The following PCDH15 variants were observed in gnomAD, a reference collection of about 807,000 sequenced individuals.
PCDH15 encodes protocadherin related 15, also known as protocadherin-15.
A neutral mutation model predicts 178.5 loss-of-function variants in PCDH15; 129 were observed. The observed-to-expected ratio is 0.72, with a 90% confidence interval of 0.63 to 0.84. The LOEUF (loss-of-function observed/expected upper bound fraction) is 0.84. PCDH15 is among the 40% of genes least tolerant of loss of function. The probability of loss-of-function intolerance (pLI) is 0.00; values close to 1 mark genes in which losing one functional copy is unlikely to be tolerated. For synonymous variants in PCDH15, 800 were observed against 732.0 expected, an observed-to-expected ratio of 1.09 and a Z score of -1.50; for missense variants, 2,230 against 2,099.9, an observed-to-expected ratio of 1.06 and a Z score of -1.21.
intron 2 of PCDH15, among the ~76,000 whole-genome samples, chr10:55,399,016 T>C (rs1451651053): frequency 6.6e-6 from 1 of 152,176 alleles, no homozygotes; most frequent in Non-Finnish European, 1.5e-5. Flanking sequence ...GAACAAGTTA[T>C]CTATATGGCG....
At chr10:53,965,790 A>G (rs1042334434) in intron 21 of PCDH15, among the ~76,000 whole-genome samples, 7 of 152,210 alleles carry the variant, frequency 4.6e-5, no homozygotes, top group African/African-American at 1.4e-4. Context: ...GACTAAAATT[A>G]CTTATGACAA....
chr10:54,438,947 A>T (rs933832851), intron 3 of PCDH15, among the ~76,000 whole-genome samples: 10 of 152,248 alleles, frequency 6.6e-5, no homozygotes, highest in African/African-American at 2.4e-4. Context: ...CAGGTAATTG[A>T]GGTCAATGAA....
At chr10:54,322,406 T>G (rs892139120) in intron 7 of PCDH15, among the ~76,000 whole-genome samples, 1 of 151,904 alleles carries the variant, frequency 6.6e-6, no homozygotes, top group Non-Finnish European at 1.5e-5. Context: ...TAACAGGATA[T>G]TACATTAAGT....
chr10:54,494,585 A>G (rs932438956), intron 3 of PCDH15, among the ~76,000 whole-genome samples: 4 of 152,118 alleles, frequency 2.6e-5, no homozygotes, highest in Admixed American at 1.3e-4. Context: ...TCTCTGCTCT[A>G]TGATGCAGCC....
chr10:55,112,217 C>T (rs1837526328), intron 2 of PCDH15, among the ~76,000 whole-genome samples: 1 of 152,024 alleles, frequency 6.6e-6, no homozygotes, highest in African/African-American at 2.4e-5. Context: ...GAGGGTGGGG[C>T]TTTTGAGAGG....
chr10:54,226,728 C>T (rs1217647838), intron 9 of PCDH15, among the ~76,000 whole-genome samples: 2 of 152,072 alleles, frequency 1.3e-5, no homozygotes, highest in African/African-American at 2.4e-5. Flanking sequence ...TCCACCTATG[C>T]ATCTGTAAAA....
intron 9 of PCDH15, among the ~76,000 whole-genome samples, chr10:54,227,192 T>C (rs1382118890): frequency 6.6e-6 from 1 of 152,196 alleles, no homozygotes; most frequent in Non-Finnish European, 1.5e-5. Context: ...ACTGCACTAG[T>C]GGAGGTTCTT....
chr10:53,945,574 C>G (rs574216830), intron 23 of PCDH15, among the ~76,000 whole-genome samples: 1 of 151,780 alleles, frequency 6.6e-6, no homozygotes, highest in Admixed American at 6.6e-5. Context: ...CCCTTCCTAC[C>G]CAGCCCCATG....
At chr10:54,857,602 T>C (rs1953762869) in intron 3 of PCDH15, among the ~76,000 whole-genome samples, 2 of 150,972 alleles carry the variant, frequency 1.3e-5, no homozygotes, top group South Asian at 4.2e-4. Context: ...CGTGCCGCCA[T>C]GCCTGGCTAA....
intron 1 of PCDH15, among the ~76,000 whole-genome samples, chr10:55,284,779 CAT>C (rs1036088548): frequency 2.6e-5 from 4 of 151,902 alleles, no homozygotes; most frequent in African/African-American, 7.2e-5. Context: ...GGAAGTCAGA[CAT>C]ATATTTATCA....
chr10:54,700,748 A>G (rs1244383691), intron 1 of PCDH15, among the ~76,000 whole-genome samples: 1 of 152,048 alleles, frequency 6.6e-6, no homozygotes, highest in Non-Finnish European at 1.5e-5. Flanking sequence ...TGGCATCCCT[A>G]TAGGAGAAAG....
intron 27 of PCDH15, among the ~76,000 whole-genome samples, chr10:53,864,738 C>T (rs373261362): frequency 4.6e-5 from 7 of 151,912 alleles, no homozygotes; most frequent in Non-Finnish European, 1.0e-4. Flanking sequence ...GAGCCAGGAT[C>T]GCACCACTGC....
At chr10:55,376,502 T>C (rs999851579) in intron 2 of PCDH15, among the ~76,000 whole-genome samples, 3 of 152,146 alleles carry the variant, frequency 2.0e-5, no homozygotes, top group Admixed American at 6.6e-5. Flanking sequence ...AGTATTTATC[T>C]GGCTTTTGAC....
At chr10:54,724,498 C>G (rs1591296439) in intron 1 of PCDH15, among the ~76,000 whole-genome samples, 1 of 151,080 alleles carries the variant, frequency 6.6e-6, no homozygotes, top group African/African-American at 2.4e-5. Flanking sequence ...AATTATGTAA[C>G]AAATATGCAT....
intron 2 of PCDH15, among the ~76,000 whole-genome samples, chr10:54,915,416 G>A (rs1954884837): frequency 6.6e-6 from 1 of 152,118 alleles, no homozygotes; most frequent in Non-Finnish European, 1.5e-5. Context: ...AGATAGAAGA[G>A]GGCTTTCATA....
chr10:54,531,847 G>A (rs532015935), intron 2 of PCDH15, among the ~76,000 whole-genome samples: 4 of 151,830 alleles, frequency 2.6e-5, no homozygotes, highest in Non-Finnish European at 4.4e-5. Context: ...CCTCCAAATC[G>A]CATCCCAGTT....
In PCDH15 at chr10:54,380,643, G is replaced by GTATATATATATATATA. The variant is rs59953769; in HGVS notation, c.158-1717_158-1702dup. Among the ~76,000 whole-genome samples, 97 of 15,286 alleles carry GTATATATATATATATA rather than the reference G, an allele frequency of 6.3e-3. 12 individuals are homozygous for GTATATATATATATATA. The highest frequency in any genetic ancestry group is 0.015 in the African/African-American group (70 of 4,758). 10.0% of individuals were successfully genotyped at this position (15,286 alleles called of 152,430 possible). ...AAATCTTCTGATTGTGTGTATGCAT[G>GTATATATATATATATA]TATATATATATATATATATATATAT... is the stretch of plus-strand genomic sequence containing the variant. On this transcript the variant is annotated intron_variant, in intron 3 of 37. Transcript: ENST00000644397.
intron 1 of PCDH15, among the ~76,000 whole-genome samples, chr10:54,717,956 T>C (rs1398132343): frequency 6.8e-6 from 1 of 146,380 alleles, no homozygotes; most frequent in Non-Finnish European, 1.5e-5. Flanking sequence ...TTCATGTCCT[T>C]TGTAGGGACA....
intron 3 of PCDH15, among the ~76,000 whole-genome samples, chr10:54,892,076 T>G (rs1954472244): frequency 6.6e-6 from 1 of 152,078 alleles, no homozygotes; most frequent in Non-Finnish European, 1.5e-5. Context: ...TCACCCCACA[T>G]ACATACACCC....
Sources: gnomAD v4.1 joint callset for allele counts (sites outside exome capture counted in the v4.1 genomes callset) on GRCh38, gnomAD v4.1.1 for gene constraint, MANE v1.5 for transcripts, NCBI Gene and HGNC (gene_info 2026-07-23, HGNC 2026-07-21) for gene names.